The following GTF2H4 variants were observed in gnomAD, a reference collection of about 807,000 sequenced individuals.
GTF2H4 encodes the protein general transcription factor IIH subunit 4, also known as BTF2 p52.
In GTF2H4, 49 loss-of-function variants were observed where a neutral mutation model predicts 62.2. The observed-to-expected ratio is 0.79, with a 90% CI of 0.63 to 1.00. GTF2H4 has a LOEUF of 1.00. Ranked by LOEUF, GTF2H4 falls within the 50% of genes least tolerant of loss-of-function variation. The pLI, the probability that GTF2H4 is intolerant of heterozygous loss-of-function variation, is 0.00. For synonymous variants in GTF2H4, 189 were observed against 233.8 expected (o/e 0.81, Z 1.75); for missense variants, 479 against 587.8 (o/e 0.81, Z 1.91).
chr6:30,909,343 A>C lies in GTF2H4; in HGVS notation c.138-92A>C, dbSNP rs1246986363. The C allele has an allele frequency of 3.1e-5, 38 of 1,212,322 alleles. No homozygotes were observed. Among genetic ancestry groups the C allele is most frequent in the Non-Finnish European group, 4.5e-5 (38 of 838,398 alleles). The allele number at this position is 1,212,322 out of a possible 1,614,324, so 75.1% of individuals were successfully genotyped here. A position where few individuals can be genotyped will look rare whatever the true frequency, so the allele number is the denominator to read the frequency against. On this transcript the variant is annotated intron_variant, in intron 2 of 13. Coordinates refer to ENST00000259895, the MANE Select transcript of GTF2H4 (RefSeq NM_001517.5). This position sits in a 1 kb window ranked among gnomAD's most constrained non-coding sequence, Gnocchi z 4.3. Reference sequence around the variant, plus strand: ...AGCAGGACTGGTAAAGTTGTGCTGGAGTGAGATGAGATGTTTGAGAGGTAA... The same window carrying C: ...AGCAGGACTGGTAAAGTTGTGCTGGCGTGAGATGAGATGTTTGAGAGGTAA...
chr6:30,911,204 T>C lies in GTF2H4; in HGVS notation c.607T>C (p.Phe203Leu). ...CTGCATTACTTCCGCTGGCTTCCAG[T>C]TCCTGTTGCTGGACACCCCGGCTCA... ...PPCITSAGFQ[F>L]LLLDTPAQLW... The change falls in exon 7 of 14, where the codon TTC becomes CTC. Residue 203 changes from phenylalanine to leucine, a missense_variant. By Grantham distance (22) the Phe-to-Leu change is conservative. Transcript: ENST00000259895. This position sits in a 1 kb window ranked among gnomAD's most constrained non-coding sequence, Gnocchi z 4.3. 4 of 1,613,734 alleles carry C rather than the reference T, an allele frequency of 2.5e-6. No individual in the cohort carries two copies. Among genetic ancestry groups the C allele is most frequent in the Non-Finnish European group, 3.4e-6 (4 of 1,180,006 alleles).
chr6:30,914,012 C>T lies in GTF2H4; in HGVS notation c.*29C>T, dbSNP rs1366993687. On this transcript the variant is annotated 3_prime_UTR_variant, in exon 14 of 14. Coordinates refer to ENST00000259895, the MANE Select transcript of GTF2H4 (RefSeq NM_001517.5). ...CGCGGGACTTGGACACGGACCTCGGCGGGCGGGACTGGGCGGGGCGGGGCA... is the reference window on the plus strand; with the variant it reads ...CGCGGGACTTGGACACGGACCTCGGTGGGCGGGACTGGGCGGGGCGGGGCA... 1.6e-6 allele frequency: 1 copy of T among 615,178 alleles called. No individual in the cohort carries two copies. The highest frequency in any genetic ancestry group is 2.9e-6 in the Non-Finnish European group (1 of 346,490). 38.1% of individuals were successfully genotyped at this position (615,178 alleles called of 1,614,324 possible).
rs757923541 is a variant in GTF2H4 at position 30,911,275 on chromosome 6, G to C, written c.672+6G>C. The C allele has an allele frequency of 1.9e-6, 3 of 1,605,274 alleles. No individual in the cohort carries two copies. The highest frequency in any genetic ancestry group is 1.7e-5 in the Admixed American group (1 of 59,988). On this transcript the variant is annotated splice_donor_region_variant and intron_variant, in intron 7 of 13. Transcript: ENST00000259895. The surrounding 1 kb of genome is among the most constrained non-coding windows in gnomAD (Gnocchi z 4.3). ...AGTATTTGCAGACAGCCCAGGTGAG[G>C]AGGCAGGGCCACTTAACCAGCATGC...
At position 30,912,378 on chromosome 6, in the gene GTF2H4, C is replaced by T. The variant is rs758320282; in HGVS notation, c.1009C>T (p.Arg337Trp). The T allele has an allele frequency of 6.2e-6, 10 of 1,612,850 alleles. No individual in the cohort carries two copies. The highest frequency in any genetic ancestry group is 2.7e-5 in the African/African-American group (2 of 74,898). Residue 337 changes from arginine (R) to tryptophan (W), a missense_variant, in exon 11 of 14, where the codon CGG (arginine) becomes TGG (tryptophan). Transcript: ENST00000259895. The surrounding 1 kb of genome is among the most constrained non-coding windows in gnomAD (Gnocchi z 4.8). ...LIALFSEMLY[R>W]FPNMVVAQVT... The stretch of plus-strand genomic sequence containing the variant: ...TGCCCTCTTCTCTGAGATGCTCTAT[C>T]GGTTCCCCAACATGGTGGTGGCGCA...
Position 30,913,046 on chromosome 6 carries a change from C to A in GTF2H4, c.1090-64C>A. ...CTGATGTTCCAGTGACATTAGGTGACAGCTCAGATGGCTTTCCTGCCTTCT... is the reference window on the plus strand; with the variant it reads ...CTGATGTTCCAGTGACATTAGGTGAAAGCTCAGATGGCTTTCCTGCCTTCT... On this transcript the variant is annotated intron_variant, in intron 11 of 13. Coordinates refer to ENST00000259895, the MANE Select transcript of GTF2H4 (RefSeq NM_001517.5). This position sits in a 1 kb window ranked among gnomAD's most constrained non-coding sequence, Gnocchi z 4.2. 6.6e-7 allele frequency: 1 copy of A among 1,517,518 alleles called. No individual in the cohort carries two copies. The highest frequency in any genetic ancestry group is 9.1e-7 in the Non-Finnish European group (1 of 1,095,076). The allele number at this position is 1,517,518 out of a possible 1,614,324, so 94.0% of individuals were successfully genotyped here.
rs778524199 is a variant in GTF2H4 at position 30,909,076 on chromosome 6, C to G, written c.40C>G (p.Leu14Val). ...TTCAAGGGGACTGAACCGAGTACAC[C>G]TACAATGCAGGAATCTGCAGGAATT... ...TPSRGLNRVHLQCRNLQEFLG... is the reference protein window; with the variant it reads ...TPSRGLNRVHVQCRNLQEFLG... Residue 14 changes from leucine to valine, a missense_variant, in exon 2 of 14, where the codon CTA becomes GTA. By Grantham distance (32) the Leu-to-Val change is conservative. Transcript: ENST00000259895. The surrounding 1 kb of genome is among the most constrained non-coding windows in gnomAD (Gnocchi z 4.3). 1.2e-6 allele frequency: 2 copies of G among 1,614,156 alleles called. No homozygotes were observed. Among genetic ancestry groups the G allele is most frequent in the Non-Finnish European group, 1.7e-6 (2 of 1,180,018 alleles).
In GTF2H4 at chr6:30,913,011, T is replaced by C. The variant is rs73727131; in HGVS notation, c.1090-99T>C. On this transcript the variant is annotated intron_variant, in intron 11 of 13. Transcript: ENST00000259895. The surrounding 1 kb of genome is among the most constrained non-coding windows in gnomAD (Gnocchi z 4.2). ...AGTTGATGACAGGAGTTATGAGTTT[T>C]TAGAATAAGCTGATGTTCCAGTGAC... The C allele has an allele frequency of 1.4e-3, 1,779 of 1,227,000 alleles. 12 individuals carry two copies. The African/African-American group carries it at 0.019, about 13-fold the overall frequency. The allele number at this position is 1,227,000 out of a possible 1,614,324, so 76.0% of individuals were successfully genotyped here.
chr6:30,912,019 ATC>A lies in GTF2H4; in HGVS notation c.834_835del (p.Arg279AlafsTer54), dbSNP rs1184774954. The A allele has an allele frequency of 6.2e-7, 1 of 1,612,398 alleles. No individual in the cohort carries two copies. Among genetic ancestry groups the A allele is most frequent in the East Asian group, 2.2e-5 (1 of 44,874 alleles). ...TGCCTTTCTATTCTTTTCAGAGGAA[ATC>A]TCGGCGTTACTACCCCACACGCCTG... ...FGLVFQRKRK[S>X]RRYYPTRLAI... On this transcript the variant is annotated frameshift_variant, in exon 10 of 14. Transcript: ENST00000259895. LOFTEE classifies it high-confidence loss of function. This position sits in a 1 kb window ranked among gnomAD's most constrained non-coding sequence, Gnocchi z 4.8.
In GTF2H4 at chr6:30,912,197, G is replaced by T; in HGVS notation, c.958+51G>T. The T allele has an allele frequency of 6.2e-7, 1 of 1,608,264 alleles. No homozygotes were observed. Among genetic ancestry groups the T allele is most frequent in the Non-Finnish European group, 8.5e-7 (1 of 1,176,978 alleles). On this transcript the variant is annotated intron_variant, in intron 10 of 13. Transcript: ENST00000259895. The surrounding 1 kb of genome is among the most constrained non-coding windows in gnomAD (Gnocchi z 4.8). The stretch of plus-strand genomic sequence containing the variant: ...AAGAGGAGGTTGGGGGTGAGGGAAT[G>T]CCAGTTTATGTTCGTGTTTACCTGG...
Position 30,914,091 on chromosome 6 carries a change from G to A in GTF2H4, c.*108G>A. The A allele has an allele frequency of 8.6e-7, 1 of 1,156,940 alleles. No individual in the cohort carries two copies. Among genetic ancestry groups the A allele is most frequent in the South Asian group, 1.7e-5 (1 of 59,036 alleles). 71.7% of individuals were successfully genotyped at this position (1,156,940 alleles called of 1,614,324 possible). A position where few individuals can be genotyped will look rare whatever the true frequency, so the allele number is the denominator to read the frequency against. On this transcript the variant is annotated 3_prime_UTR_variant, in exon 14 of 14. Coordinates refer to ENST00000259895, the MANE Select transcript of GTF2H4 (RefSeq NM_001517.5). The stretch of plus-strand genomic sequence containing the variant: ...GTCAGGGCTTTTCTTGTTTAATAAA[G>A]TTATGATAGCTAGCAGTGCGGTCCC...
chr6:30,913,015 A>G lies in GTF2H4; in HGVS notation c.1090-95A>G. The G allele has an allele frequency of 8.0e-7, 1 of 1,253,468 alleles. No individual in the cohort carries two copies. 77.6% of individuals were successfully genotyped at this position (1,253,468 alleles called of 1,614,324 possible). The stretch of plus-strand genomic sequence containing the variant: ...GATGACAGGAGTTATGAGTTTTTAG[A>G]ATAAGCTGATGTTCCAGTGACATTA... On this transcript the variant is annotated intron_variant, in intron 11 of 13. Transcript: ENST00000259895. This position sits in a 1 kb window ranked among gnomAD's most constrained non-coding sequence, Gnocchi z 4.2.
chr6:30,910,069 TC>T lies in GTF2H4; in HGVS notation c.374+7del. 6.2e-7 allele frequency: 1 copy of T among 1,611,994 alleles called. No homozygotes were observed. The highest frequency in any genetic ancestry group is 1.3e-5 in the African/African-American group (1 of 74,954). On this transcript the variant is annotated splice_region_variant and intron_variant, in intron 4 of 13. Transcript: ENST00000259895. The surrounding 1 kb of genome is among the most constrained non-coding windows in gnomAD (Gnocchi z 4.7). ...CGCATTGCCCTTCTGGGTGGGTATGTCACTTCTCTCTCTTCCTAAGCTAGGG... is the reference window on the plus strand; with the variant it reads ...CGCATTGCCCTTCTGGGTGGGTATGTACTTCTCTCTCTTCCTAAGCTAGGG...
Position 30,913,757 on chromosome 6 carries a change from C to T in GTF2H4, c.1217-54C>T, listed in dbSNP as rs1793923547. 1.4e-6 allele frequency: 2 copies of T among 1,464,000 alleles called. No individual in the cohort carries two copies. The highest frequency in any genetic ancestry group is 1.8e-6 in the Non-Finnish European group (2 of 1,097,280). 90.7% of individuals were successfully genotyped at this position (1,464,000 alleles called of 1,614,324 possible). A position where few individuals can be genotyped will look rare whatever the true frequency, so the allele number is the denominator to read the frequency against. On this transcript the variant is annotated intron_variant, in intron 13 of 13. Coordinates refer to ENST00000259895, the MANE Select transcript of GTF2H4 (RefSeq NM_001517.5). The surrounding 1 kb of genome is among the most constrained non-coding windows in gnomAD (Gnocchi z 4.2). The stretch of plus-strand genomic sequence containing the variant: ...CTGGGGGGATTCCCAATAGGAGCTC[C>T]GAGCTTCACTTTCTCGTCTTCTCCC...
In GTF2H4 at chr6:30,909,573, C is replaced by T; in HGVS notation, c.242+34C>T. On this transcript the variant is annotated intron_variant, in intron 3 of 13. Transcript: ENST00000259895. The surrounding 1 kb of genome is among the most constrained non-coding windows in gnomAD (Gnocchi z 4.3). The stretch of plus-strand genomic sequence containing the variant: ...CAGCCAGATACAAATTTCTCAACAG[C>T]TACATTTCCCAAACTGCTGTTCCTT... 1 of 1,291,442 alleles carries T rather than the reference C, an allele frequency of 7.7e-7. No individual in the cohort carries two copies. Among genetic ancestry groups the T allele is most frequent in the Non-Finnish European group, 1.1e-6 (1 of 887,684 alleles). 80.0% of individuals were successfully genotyped at this position (1,291,442 alleles called of 1,614,324 possible).
Position 30,911,283 on chromosome 6 carries a change from G to A in GTF2H4, c.672+14G>A. The A allele has an allele frequency of 6.3e-7, 1 of 1,595,462 alleles. No individual in the cohort carries two copies. The highest frequency in any genetic ancestry group is 8.6e-7 in the Non-Finnish European group (1 of 1,164,094). On this transcript the variant is annotated intron_variant, in intron 7 of 13. Coordinates refer to ENST00000259895, the MANE Select transcript of GTF2H4 (RefSeq NM_001517.5). This position sits in a 1 kb window ranked among gnomAD's most constrained non-coding sequence, Gnocchi z 4.3. ...CAGACAGCCCAGGTGAGGAGGCAGG[G>A]CCACTTAACCAGCATGCTCTGCTCC...
At position 30,911,399 on chromosome 6, in the gene GTF2H4, C is replaced by T. The variant is rs780731124; in HGVS notation, c.673-32C>T. 6.3e-7 allele frequency: 1 copy of T among 1,593,762 alleles called. No homozygotes were observed. The highest frequency in any genetic ancestry group is 1.3e-5 in the African/African-American group (1 of 74,642). On this transcript the variant is annotated intron_variant, in intron 7 of 13. Transcript: ENST00000259895. This position sits in a 1 kb window ranked among gnomAD's most constrained non-coding sequence, Gnocchi z 4.3. ...TCTTCCCATTGTCTCCCTCCCATCC[C>T]TCCTCCTTTGTCTCTGCCTCTTTCT...
In GTF2H4 at chr6:30,911,673, C is replaced by T. The variant is rs1325090889; in HGVS notation, c.742-11C>T. 1.2e-6 allele frequency: 2 copies of T among 1,609,282 alleles called. No homozygotes were observed. Among genetic ancestry groups the T allele is most frequent in the Middle Eastern group, 1.7e-4 (1 of 6,054 alleles). On this transcript the variant is annotated splice_polypyrimidine_tract_variant and intron_variant, in intron 8 of 13. Transcript: ENST00000259895. The surrounding 1 kb of genome is among the most constrained non-coding windows in gnomAD (Gnocchi z 4.3). ...TGTTTTGGACCCCAGCTGGAAACCT[C>T]TGTTCCTCAGGATTACTCTGTGGAA...
In GTF2H4 at chr6:30,912,317, C is replaced by T; in HGVS notation, c.959-11C>T. ...GGTGGCCTCCTCATCCTCTTTCTATCCCTGGCTCAGAGTCGGAGCTGCAGA... is the reference window on the plus strand; with the variant it reads ...GGTGGCCTCCTCATCCTCTTTCTATTCCTGGCTCAGAGTCGGAGCTGCAGA... On this transcript the variant is annotated splice_polypyrimidine_tract_variant and intron_variant, in intron 10 of 13. Coordinates refer to ENST00000259895, the MANE Select transcript of GTF2H4 (RefSeq NM_001517.5). The surrounding 1 kb of genome is among the most constrained non-coding windows in gnomAD (Gnocchi z 4.8). 4 of 1,612,850 alleles carry T rather than the reference C, an allele frequency of 2.5e-6. No homozygotes were observed. Among genetic ancestry groups the T allele is most frequent in the East Asian group, 2.2e-5 (1 of 44,876 alleles).
In GTF2H4 at chr6:30,913,785, C is replaced by T. The variant is rs1158078193; in HGVS notation, c.1217-26C>T. The T allele has an allele frequency of 6.6e-7, 1 of 1,521,200 alleles. No homozygotes were observed. The highest frequency in any genetic ancestry group is 8.8e-7 in the Non-Finnish European group (1 of 1,131,936). The allele number at this position is 1,521,200 out of a possible 1,614,324, so 94.2% of individuals were successfully genotyped here. A position where few individuals can be genotyped will look rare whatever the true frequency, so the allele number is the denominator to read the frequency against. On this transcript the variant is annotated intron_variant, in intron 13 of 13. Transcript: ENST00000259895. The surrounding 1 kb of genome is among the most constrained non-coding windows in gnomAD (Gnocchi z 4.2). The stretch of plus-strand genomic sequence containing the variant: ...GCTTCACTTTCTCGTCTTCTCCCCG[C>T]GCCCCTCCCGTCCTGCCGACCCCAG...
Sources: gnomAD v4.1 joint callset for allele counts on GRCh38, gnomAD v4.1.1 for gene constraint, Gnocchi (gnomAD v3.1) non-coding constraint, MANE v1.5 for transcripts, NCBI Gene and HGNC (gene_info 2026-07-23, HGNC 2026-07-21) for gene names.